The following HYCC1 variants were observed in gnomAD, a reference collection of about 807,000 sequenced individuals.
The protein encoded by HYCC1 is hyccin PI4KA lipid kinase complex subunit 1, also known as hyccin.
the HYCC1 span, chr7:22,977,425 T>G: frequency 6.6e-7 from 1 of 1,515,300 alleles, no homozygotes; most frequent in South Asian, 1.1e-5. Context: ...CTATTTCCTA[T>G]AGAAGTGAAA....
the HYCC1 span, chr7:22,964,622 A>G: frequency 1.4e-6 from 1 of 717,298 alleles, no homozygotes; most frequent in East Asian, 2.6e-5. Flanking sequence ...TACTAGGTAC[A>G]CTTTCATAAC....
the HYCC1 span, among the ~76,000 whole-genome samples, chr7:22,983,466 G>A: frequency 1.3e-5 from 2 of 152,144 alleles, no homozygotes; most frequent in African/African-American, 2.4e-5. Context: ...CTGAGCCTCC[G>A]TATACTATCC....
At chr7:22,958,716 G>C in the HYCC1 span, among the ~76,000 whole-genome samples, 1 of 151,970 alleles carries the variant, frequency 6.6e-6, no homozygotes. Flanking sequence ...TTAAATGTAC[G>C]CCTGGACATG....
the HYCC1 span, among the ~76,000 whole-genome samples, chr7:22,982,341 G>A: frequency 1.3e-5 from 2 of 152,134 alleles, no homozygotes; most frequent in African/African-American, 4.8e-5. Flanking sequence ...TTTTTGGCTT[G>A]TCAATATACT....
At chr7:22,929,990 C>T in the HYCC1 span, among the ~76,000 whole-genome samples, 2 of 152,064 alleles carry the variant, frequency 1.3e-5, no homozygotes, top group Non-Finnish European at 2.9e-5. Context: ...GGTACATATA[C>T]ACCATGGAAT....
At chr7:22,905,258 G>A in the HYCC1 span, among the ~76,000 whole-genome samples, 1 of 151,864 alleles carries the variant, frequency 6.6e-6, no homozygotes, top group Non-Finnish European at 1.5e-5. Context: ...CCAGGCTGGA[G>A]TGCAGTGGTG....
the HYCC1 span, among the ~76,000 whole-genome samples, chr7:22,910,384 T>C: frequency 1.3e-5 from 2 of 152,160 alleles, no homozygotes; most frequent in Non-Finnish European, 2.9e-5. Context: ...TTCACCATAA[T>C]TGTAAATTTC....
the HYCC1 span, among the ~76,000 whole-genome samples, chr7:22,926,504 GAA>G: frequency 1.3e-3 from 201 of 151,538 alleles, 1 homozygote; most frequent in Non-Finnish European, 2.3e-3. Flanking sequence ...CAAGCAAATG[GAA>G]AACAAAAAAA....
At chr7:22,997,165 T>A in the HYCC1 span, among the ~76,000 whole-genome samples, 2 of 152,180 alleles carry the variant, frequency 1.3e-5, no homozygotes, top group Admixed American at 1.3e-4. Flanking sequence ...ATTATGTTAT[T>A]AATAACAATT....
the HYCC1 span, among the ~76,000 whole-genome samples, chr7:22,964,870 C>T: frequency 4.6e-5 from 7 of 152,074 alleles, no homozygotes; most frequent in African/African-American, 1.7e-4. Context: ...CTCAGTGGCT[C>T]ACACCTGTAA....
chr7:22,920,655 G>A, the HYCC1 span, among the ~76,000 whole-genome samples: 29 of 152,288 alleles, frequency 1.9e-4, no homozygotes, highest in African/African-American at 6.5e-4. Flanking sequence ...AAACTCAAAT[G>A]AAAGTATAAA....
the HYCC1 span, among the ~76,000 whole-genome samples, chr7:22,925,131 A>C: frequency 2.0e-5 from 3 of 152,228 alleles, no homozygotes; most frequent in African/African-American, 7.2e-5. Flanking sequence ...CCTGACTGTT[A>C]GAAGGAAAAC....
At chr7:22,943,632 G>C in the HYCC1 span, 3 of 152,638 alleles carry the variant, frequency 2.0e-5, no homozygotes, top group African/African-American at 7.2e-5. Flanking sequence ...TGCTTAAAAT[G>C]CCAATCTTAA....
At chr7:22,961,628 GAAT>G in the HYCC1 span, among the ~76,000 whole-genome samples, 2 of 152,030 alleles carry the variant, frequency 1.3e-5, no homozygotes, top group African/African-American at 4.8e-5. Flanking sequence ...GCAAATCAGA[GAAT>G]AATAAATTAT....
At chr7:22,933,780 GTC>G in the HYCC1 span, among the ~76,000 whole-genome samples, 1 of 152,110 alleles carries the variant, frequency 6.6e-6, no homozygotes, top group Non-Finnish European at 1.5e-5. Flanking sequence ...TATTTTTTAA[GTC>G]TGTCTCTGAT....
chr7:22,920,584 A>G, the HYCC1 span, among the ~76,000 whole-genome samples: 1 of 152,158 alleles, frequency 6.6e-6, no homozygotes, highest in Non-Finnish European at 1.5e-5. Flanking sequence ...AAAAAAAATC[A>G]TTGCTCGCAG....
the HYCC1 span, among the ~76,000 whole-genome samples, chr7:22,981,770 A>G: frequency 2.0e-5 from 3 of 152,218 alleles, no homozygotes; most frequent in Non-Finnish European, 4.4e-5. Flanking sequence ...TTATCAGAGT[A>G]TACATCAGTT....
the HYCC1 span, among the ~76,000 whole-genome samples, chr7:23,008,862 T>A: frequency 6.6e-6 from 1 of 151,986 alleles, no homozygotes; most frequent in Admixed American, 6.6e-5. Flanking sequence ...AAGATGTAAA[T>A]TTTTTTAAAA....
At chr7:22,960,143 C>T in the HYCC1 span, 1 of 1,152,830 alleles carries the variant, frequency 8.7e-7, no homozygotes, top group Non-Finnish European at 1.3e-6. Flanking sequence ...AACTCCACAG[C>T]TCTTTCTTCC....
Sources: gnomAD v4.1 joint callset for allele counts (sites outside exome capture counted in the v4.1 genomes callset) on GRCh38, gnomAD v4.1.1 for gene constraint, MANE v1.5 for transcripts, NCBI Gene and HGNC (gene_info 2026-07-23, HGNC 2026-07-21) for gene names.